Variants in ITGA7 observed in about 807,000 individuals in gnomAD.
ITGA7 encodes integrin alpha-7.
Under a neutral mutation model 131.6 loss-of-function variants are expected in ITGA7, and 84 were observed. That is an observed-to-expected ratio of 0.64 (90% CI 0.54 to 0.77). The LOEUF (loss-of-function observed/expected upper bound fraction) is 0.77. ITGA7 is among the 30% of genes least tolerant of loss of function. The pLI, the probability that ITGA7 is intolerant of heterozygous loss-of-function variation, is 0.00. For missense variants in ITGA7, 1,399 were observed against 1,482.9 expected, an observed-to-expected ratio of 0.94 and a Z score of 0.93; for synonymous variants, 548 against 600.7, an observed-to-expected ratio of 0.91 and a Z score of 1.28.
Position 55,697,710 on chromosome 12 carries a change from G to A in ITGA7, c.1394C>T (p.Thr465Ile). Reference protein sequence around the residue: ...PDLLVGSLADTAVLFRARPIL... With the variant: ...PDLLVGSLADIAVLFRARPIL... ...AGGGGCTCACCTGAAGAGCACTGCG[G>A]TGTCAGCCAGGGAGCCCACCAGCAG... Residue 465 changes from threonine to isoleucine, a missense_variant, in exon 9 of 25, where the codon ACC becomes ATC. Coordinates refer to ENST00000257879, the MANE Select transcript of ITGA7 (RefSeq NM_002206.3). 1 of 1,614,174 alleles carries A rather than the reference G, an allele frequency of 6.2e-7. No homozygotes were observed. The highest frequency in any genetic ancestry group is 1.6e-4 in the Middle Eastern group (1 of 6,062).
Position 55,695,614 on chromosome 12 carries a change from A to G in ITGA7, c.1911T>C (p.Cys637=). 6.2e-7 allele frequency: 1 copy of G among 1,613,684 alleles called. No homozygotes were observed. The highest frequency in any genetic ancestry group is 1.1e-5 in the South Asian group (1 of 91,076). The part of the protein sequence containing the change: ...RAEIHFLKQG[C]GEDKICQSNL... ...TGCTCTGGCAGATCTTGTCTTCACC[A>G]CAGCCTTGCTTCAGGAAGTGGATCT... Residue 637 remains cysteine (C), a synonymous_variant, in exon 14 of 25, where the codon TGT becomes TGC. Coordinates refer to ENST00000257879, the MANE Select transcript of ITGA7 (RefSeq NM_002206.3).
upstream of ITGA7, chr12:55,711,930 C>T: frequency 2.7e-6 from 2 of 751,636 alleles, no homozygotes; most frequent in South Asian, 3.2e-5. Context: ...CAAGCAAACA[C>T]TTCCAGAACA....
At chr12:55,702,748 T>A in intron 3 of ITGA7, 124 bp downstream of exon 3, 1 of 801,466 alleles carries the variant, frequency 1.2e-6, no homozygotes, top group Non-Finnish European at 2.1e-6. Flanking sequence ...CTCCCTGATG[T>A]ACTTGGAATC....
chr12:55,711,431 T>C (rs1186554204), upstream of ITGA7, among the ~76,000 whole-genome samples: 1 of 150,326 alleles, frequency 6.7e-6, no homozygotes, highest in South Asian at 2.1e-4. Flanking sequence ...TGAGCAGAGA[T>C]AGCACCACTG....
At chr12:55,709,854 C>T (rs1875904249), upstream of ITGA7, among the ~76,000 whole-genome samples, 1 of 152,066 alleles carries the variant, frequency 6.6e-6, no homozygotes. Context: ...GAGAAGTCAC[C>T]TCACCACCAC....
At chr12:55,710,876 G>A (rs1287392680), upstream of ITGA7, among the ~76,000 whole-genome samples, 1 of 152,116 alleles carries the variant, frequency 6.6e-6, no homozygotes, top group Non-Finnish European at 1.5e-5. Flanking sequence ...ATGGAGGGGG[G>A]TGGGGACAAA....
At chr12:55,689,210 T>C (rs1870926772) in intron 21 of ITGA7, among the ~76,000 whole-genome samples, 4 of 152,250 alleles carry the variant, frequency 2.6e-5, no homozygotes, top group Admixed American at 1.3e-4. Flanking sequence ...GATGCTTATG[T>C]TACCTAATGA....
In ITGA7 at chr12:55,699,968, A is replaced by T. The variant is rs1452990047; in HGVS notation, c.692T>A (p.Ile231Asn). ...NWKGLLFVTNIDSSDPDQLVY... is the reference protein window; with the variant it reads ...NWKGLLFVTNNDSSDPDQLVY... ...CAGCTGGTCGGGGTCTGAGCTATCA[A>T]TGTTGGTCACAAAAAGCAACCCTGT... The change falls in exon 5 of 25, where the codon ATT (isoleucine) becomes AAT (asparagine). Residue 231 changes from isoleucine (I) to asparagine (N), a missense_variant. Coordinates refer to ENST00000257879, the MANE Select transcript of ITGA7 (RefSeq NM_002206.3). 6.2e-7 allele frequency: 1 copy of T among 1,614,114 alleles called. No individual in the cohort carries two copies. Among genetic ancestry groups the T allele is most frequent in the East Asian group, 2.2e-5 (1 of 44,872 alleles).
At chr12:55,716,311 C>G, upstream of ITGA7, 1 of 1,511,746 alleles carries the variant, frequency 6.6e-7, no homozygotes, top group Non-Finnish European at 8.8e-7. Context: ...TAGCGGGCAA[C>G]GGGCATGGGG....
chr12:55,696,353 G>A lies in ITGA7; in HGVS notation c.1817C>T (p.Ala606Val). Residue 606 changes from alanine to valine, a missense_variant, in exon 13 of 25, where the codon GCT becomes GTT. Transcript: ENST00000257879. The stretch of plus-strand genomic sequence containing the variant: ...CACTGGAGGCAGCCCCTGGCCAGGA[G>A]CCTGTCGCCGGAGCCGAGGGGTCTG... Reference protein sequence around the residue: ...SLQTPRLRRQAPGQGLPPVAP... With the variant: ...SLQTPRLRRQVPGQGLPPVAP... 1 of 1,589,598 alleles carries A rather than the reference G, an allele frequency of 6.3e-7. No individual in the cohort carries two copies. The highest frequency in any genetic ancestry group is 8.6e-7 in the Non-Finnish European group (1 of 1,166,810).
At chr12:55,693,960 G>A in intron 19 of ITGA7, 61 bp downstream of exon 19, 1 of 1,344,128 alleles carries the variant, frequency 7.4e-7, no homozygotes, top group Non-Finnish European at 1.1e-6. Context: ...ACACAGCTCA[G>A]CCTCTCCTCT....
rs762359768 is a variant in ITGA7, at chr12:55,685,197, T to G, written c.3275A>C (p.Lys1092Thr). 1 of 1,614,194 alleles carries G rather than the reference T, an allele frequency of 6.2e-7. No homozygotes were observed. The highest frequency in any genetic ancestry group is 8.5e-7 in the Non-Finnish European group (1 of 1,180,022). Residue 1092 changes from lysine to threonine, a missense_variant, in exon 25 of 25, where the codon AAG (lysine) becomes ACG (threonine). Transcript: ENST00000257879. ...CAGGATGGTGCCCGTCTTCTCCTCC[T>G]TGAACTGCTGTCGGTCTTCCCGAGG... The part of the protein sequence containing the change: ...KIPREDRQQF[K>T]EEKTGTILRN...
upstream of ITGA7, among the ~76,000 whole-genome samples, chr12:55,709,050 C>A (rs564926378): frequency 6.6e-6 from 1 of 152,316 alleles, no homozygotes; most frequent in South Asian, 2.1e-4. Flanking sequence ...CCTTCCTACT[C>A]CCCTTGCTTA....
chr12:55,694,041 T>C lies in ITGA7; in HGVS notation c.2515A>G (p.Lys839Glu), dbSNP rs1288636728. 6.2e-7 allele frequency: 1 copy of C among 1,613,884 alleles called. No homozygotes were observed. Among genetic ancestry groups the C allele is most frequent in the African/African-American group, 1.3e-5 (1 of 74,934 alleles). Residue 839 changes from lysine to glutamate, a missense_variant, in exon 19 of 25, where the codon AAG becomes GAG. Physicochemically the swap from Lys to Glu is moderately conservative, Grantham distance 56. Coordinates refer to ENST00000257879, the MANE Select transcript of ITGA7 (RefSeq NM_002206.3). This position sits in a 1 kb window ranked among gnomAD's most constrained non-coding sequence, Gnocchi z 5.3. ...CTTACCGTGACCTCATACTTGACCTTGCTGCCCACATCCCGCTCAGACTGC... is the reference window on the plus strand; with the variant it reads ...CTTACCGTGACCTCATACTTGACCTCGCTGCCCACATCCCGCTCAGACTGC... Reference protein sequence around the residue: ...AMQSERDVGSKVKYEVTVSNQ... With the variant: ...AMQSERDVGSEVKYEVTVSNQ...
At chr12:55,714,055 C>T (rs922256996), upstream of ITGA7, among the ~76,000 whole-genome samples, 2 of 152,226 alleles carry the variant, frequency 1.3e-5, no homozygotes, top group Non-Finnish European at 2.9e-5. Flanking sequence ...CCTGGATACA[C>T]ATTAGAATCA....
intron 24 of ITGA7, among the ~76,000 whole-genome samples, chr12:55,687,169 C>CTTTTT (rs1187388992): frequency 7.9e-5 from 7 of 88,176 alleles, no homozygotes; most frequent in Non-Finnish European, 1.1e-4. Flanking sequence ...CATCTGATTT[C>CTTTTT]TTTTTTTTTT....
chr12:55,713,860 G>A (rs551179543), upstream of ITGA7, among the ~76,000 whole-genome samples: 5 of 152,292 alleles, frequency 3.3e-5, 1 homozygote, highest in African/African-American at 9.6e-5. Context: ...TCATTGATCA[G>A]TAATTCTCAA....
At position 55,692,971 on chromosome 12, in the gene ITGA7, A is replaced by G. The variant is rs747003543; in HGVS notation, c.2717T>C (p.Val906Ala). Residue 906 changes from valine (V) to alanine (A), a missense_variant, in exon 21 of 25, where the codon GTG becomes GCG. By Grantham distance (64) the Val-to-Ala change is moderately conservative. Transcript: ENST00000257879. ...SPRPNILHLDVDSRDRRRREL... is the reference protein window; with the variant it reads ...SPRPNILHLDADSRDRRRREL... Reference sequence around the variant, plus strand: ...CCGCCGCCTCCTATCCCTACTGTCCACATCCTGGACACGGAAGGGGGGTCT... The same window carrying G: ...CCGCCGCCTCCTATCCCTACTGTCCGCATCCTGGACACGGAAGGGGGGTCT... 3.1e-6 allele frequency: 5 copies of G among 1,613,670 alleles called. No homozygotes were observed. Among genetic ancestry groups the G allele is most frequent in the Non-Finnish European group, 4.2e-6 (5 of 1,179,946 alleles).
upstream of ITGA7, chr12:55,712,034 C>T (rs1474901432): frequency 2.0e-6 from 3 of 1,530,048 alleles, no homozygotes; most frequent in Non-Finnish European, 2.7e-6. Context: ...CCAACATGCA[C>T]ACCATGAGAA....
Sources: gnomAD v4.1 joint callset for allele counts (sites outside exome capture counted in the v4.1 genomes callset) on GRCh38, gnomAD v4.1.1 for gene constraint, Gnocchi (gnomAD v3.1) non-coding constraint, MANE v1.5 for transcripts, NCBI Gene and HGNC (gene_info 2026-07-23, HGNC 2026-07-21) for gene names.